The following KIAA0930 variants were observed in gnomAD, a reference collection of about 807,000 sequenced individuals.
KIAA0930 encodes the protein uncharacterized protein KIAA0930.
KIAA0930 carries 24 observed loss-of-function variants against 43.9 expected under a neutral mutation model. The observed-to-expected ratio is 0.55, with a 90% CI of 0.40 to 0.77. KIAA0930 has a LOEUF of 0.77. Among genes scored for constraint, KIAA0930 ranks in the 30% least tolerant of loss-of-function variants. The pLI, the probability that KIAA0930 is intolerant of heterozygous loss-of-function variation, is 0.00. For synonymous variants in KIAA0930, 259 were observed against 216.4 expected, an observed-to-expected ratio of 1.20 and a Z score of -1.73; for missense variants, 461 against 574.2, an observed-to-expected ratio of 0.80 and a Z score of 2.02.
chr22:45,226,433 G>C, intron 1 of KIAA0930: 1 of 418,084 alleles, frequency 2.4e-6, no homozygotes, highest in Non-Finnish European at 5.0e-6. Flanking sequence ...CTTGCATGGC[G>C]GGGGAGGCTC....
intron 2 of KIAA0930, among the ~76,000 whole-genome samples, chr22:45,211,629 TG>T (rs2083694214): frequency 6.6e-6 from 1 of 152,166 alleles, no homozygotes; most frequent in African/African-American, 2.4e-5. Context: ...GTCCGACCTT[TG>T]CTCTACCATC....
chr22:45,226,169 C>T (rs2083799000), intron 1 of KIAA0930: 1 of 445,932 alleles, frequency 2.2e-6, no homozygotes, highest in African/African-American at 2.0e-5. Context: ...TGCTGGCAGG[C>T]AGAACTTTAT....
chr22:45,200,035 C>G lies in KIAA0930; in HGVS notation c.853G>C (p.Val285Leu). ...SSPASPMHER[V>L]TSFSTPPTPE... is the part of the protein sequence containing the mutation. The stretch of plus-strand genomic sequence containing the variant: ...GTGGGGGGTGTGCTGAAGGAGGTCA[C>G]CTGGGAACAAGCAGCCAAAGTCACC... Residue 285 changes from valine (V) to leucine (L), a missense_variant and splice_region_variant, in exon 8 of 10, where the codon GTG becomes CTG. Transcript: ENST00000336156. 1 of 1,586,390 alleles carries G rather than the reference C, an allele frequency of 6.3e-7. No individual in the cohort carries two copies. Among genetic ancestry groups the G allele is most frequent in the Non-Finnish European group, 8.6e-7 (1 of 1,166,842 alleles).
intron 1 of KIAA0930, among the ~76,000 whole-genome samples, chr22:45,230,429 C>T (rs1052795981): frequency 1.3e-5 from 2 of 152,138 alleles, no homozygotes; most frequent in African/African-American, 4.8e-5. Flanking sequence ...CTCCCTGAAG[C>T]AGGTCATGAG....
intron 1 of KIAA0930, among the ~76,000 whole-genome samples, 161 bp downstream of exon 1, chr22:45,240,479 G>C (rs1030538810): frequency 1.3e-5 from 2 of 152,072 alleles, no homozygotes; most frequent in African/African-American, 2.4e-5. Flanking sequence ...GACGGTGGGG[G>C]GGGGGCCATG....
chr22:45,209,399 C>T (rs2083672330), intron 2 of KIAA0930, among the ~76,000 whole-genome samples: 1 of 152,196 alleles, frequency 6.6e-6, no homozygotes, highest in Non-Finnish European at 1.5e-5. Flanking sequence ...GCCCGACAAG[C>T]TGGGAAAAAT....
intron 1 of KIAA0930, chr22:45,212,472 C>G: frequency 6.9e-7 from 1 of 1,445,624 alleles, no homozygotes; most frequent in South Asian, 1.4e-5. Context: ...GCCGGGAAGG[C>G]TTGGCTGGGG....
At chr22:45,215,187 C>A (rs551249935) in intron 1 of KIAA0930, among the ~76,000 whole-genome samples, 1 of 152,104 alleles carries the variant, frequency 6.6e-6, no homozygotes, top group Non-Finnish European at 1.5e-5. Context: ...CACTGCACTC[C>A]GGCCTGGGAG....
At chr22:45,214,060 C>T (rs2083716290) in intron 1 of KIAA0930, among the ~76,000 whole-genome samples, 1 of 151,988 alleles carries the variant, frequency 6.6e-6, no homozygotes, top group Non-Finnish European at 1.5e-5. Flanking sequence ...GCCTGTAGTC[C>T]CAGCTACTCT....
intron 1 of KIAA0930, among the ~76,000 whole-genome samples, chr22:45,231,934 T>G (rs182735889): frequency 6.6e-6 from 1 of 152,136 alleles, no homozygotes; most frequent in Non-Finnish European, 1.5e-5. Context: ...GAGCTTGCAG[T>G]GAGCCGAGAT....
chr22:45,228,998 A>AT (rs1329729699), intron 1 of KIAA0930, among the ~76,000 whole-genome samples: 1 of 10,760 alleles, frequency 9.3e-5, no homozygotes, highest in Admixed American at 1.2e-3. Context: ...ATCCCTCTCC[A>AT]CCCCCACACC....
chr22:45,235,802 T>A (rs2147768942), intron 1 of KIAA0930, among the ~76,000 whole-genome samples: 1 of 152,338 alleles, frequency 6.6e-6, no homozygotes, highest in Middle Eastern at 3.4e-3. Context: ...AGTCTACAGA[T>A]GAGGACACTG....
intron 1 of KIAA0930, among the ~76,000 whole-genome samples, chr22:45,228,006 G>T (rs907706468): frequency 6.6e-5 from 10 of 152,186 alleles, no homozygotes; most frequent in Non-Finnish European, 1.3e-4. Context: ...GATGGCCCAG[G>T]TCAGCACCGG....
chr22:45,205,699 G>A lies in KIAA0930; in HGVS notation c.345C>T (p.Tyr115=), dbSNP rs1301928086. The A allele has an allele frequency of 1.2e-6, 2 of 1,614,166 alleles. No individual in the cohort carries two copies. The highest frequency in any genetic ancestry group is 1.1e-5 in the South Asian group (1 of 91,084). Reference sequence around the variant, plus strand: ...GTGTGCACACCGCACAGGTCACCATGTAGTCCAGCTGGAAGAGAGCACGGG... The same window carrying A: ...GTGTGCACACCGCACAGGTCACCATATAGTCCAGCTGGAAGAGAGCACGGG... ...CLNLILQKLD[Y]MVTCAVCTRA... The change falls in exon 4 of 10, where the codon TAC becomes TAT. Residue 115 remains tyrosine, a synonymous_variant. Transcript: ENST00000336156.
rs1332166322 is a variant in KIAA0930 at position 45,194,023 on chromosome 22, A to G, written c.*3153T>C. On this transcript the variant is annotated 3_prime_UTR_variant, in exon 10 of 10. Coordinates refer to ENST00000336156, the MANE Select transcript of KIAA0930 (RefSeq NM_001009880.2). ...TCCCCTTGAGACCAACATGCCTTAA[A>G]GGGGGTTTGGGTTTAAAGACCAATG... 1 of 139,088 alleles carries G rather than the reference A, an allele frequency of 7.2e-6. No individual in the cohort carries two copies. Among genetic ancestry groups the G allele is most frequent in the African/African-American group, 2.6e-5 (1 of 37,958 alleles). 8.6% of individuals were successfully genotyped at this position (139,088 alleles called of 1,614,324 possible). A position where few individuals can be genotyped will look rare whatever the true frequency, so the allele number is the denominator to read the frequency against.
chr22:45,226,021 C>T (rs750407475), intron 1 of KIAA0930: 4 of 287,950 alleles, frequency 1.4e-5, no homozygotes, highest in Non-Finnish European at 2.9e-5. Flanking sequence ...AGGCCCTTTG[C>T]TGGCAGGGCG....
At chr22:45,210,326 G>A (rs1287494076) in intron 2 of KIAA0930, among the ~76,000 whole-genome samples, 3 of 152,160 alleles carry the variant, frequency 2.0e-5, no homozygotes, top group South Asian at 2.1e-4. Context: ...TCCGAGTTCC[G>A]GTTCCCATGG....
intron 1 of KIAA0930, among the ~76,000 whole-genome samples, chr22:45,238,461 A>C (rs970065837): frequency 2.0e-5 from 3 of 152,144 alleles, no homozygotes; most frequent in Admixed American, 1.3e-4. Flanking sequence ...AATCATCCTG[A>C]TTGTCCCAAC....
At chr22:45,199,125 ACTG>A (rs1454396666) in intron 8 of KIAA0930, among the ~76,000 whole-genome samples, 2 of 152,098 alleles carry the variant, frequency 1.3e-5, no homozygotes, top group Admixed American at 6.5e-5. Context: ...TCCCACAGAG[ACTG>A]CTGAGTGGCA....
Sources: gnomAD v4.1 joint callset for allele counts (sites outside exome capture counted in the v4.1 genomes callset) on GRCh38, gnomAD v4.1.1 for gene constraint, MANE v1.5 for transcripts, NCBI Gene and HGNC (gene_info 2026-07-23, HGNC 2026-07-21) for gene names.